The following VPS41 variants were observed in gnomAD, a reference collection of about 807,000 sequenced individuals.
VPS41 encodes the protein VPS41 subunit of HOPS complex.
Under a neutral mutation model 130.9 loss-of-function variants are expected in VPS41, and 85 were observed. That is an observed-to-expected ratio of 0.65 (90% CI 0.55 to 0.78). VPS41 has a LOEUF of 0.78. VPS41 is among the 30% of genes least tolerant of loss of function. VPS41 has a pLI of 0.00. For synonymous variants in VPS41, 335 were observed against 332.9 expected (o/e 1.01, Z -0.07); for missense variants, 874 against 1,018.7 (o/e 0.86, Z 1.93).
At chr7:38,836,577 T>G (rs1785499806) in intron 4 of VPS41, among the ~76,000 whole-genome samples, 1 of 152,158 alleles carries the variant, frequency 6.6e-6, no homozygotes, top group African/African-American at 2.4e-5. Context: ...CCCCATGTCA[T>G]GCAGACTGCA....
At position 38,742,018 on chromosome 7, in the gene VPS41, G is replaced by A; in HGVS notation, c.2226C>T (p.Ser742=). The A allele has an allele frequency of 6.2e-7, 1 of 1,613,160 alleles. No homozygotes were observed. The highest frequency in any genetic ancestry group is 1.7e-5 in the Admixed American group (1 of 59,910). ...TGTAGTCTTGCAGAATTTTAACCAA[G>A]GAATCTCTCAAATTGGGGATCTCCA... ...EGMEIPNLRD[S]LVKILQDYNL... The change falls in exon 25 of 29, where the codon TCC becomes TCT. Residue 742 remains serine (S), a synonymous_variant. Transcript: ENST00000310301.
intron 3 of VPS41, among the ~76,000 whole-genome samples, chr7:38,868,562 A>G (rs1786277482): frequency 6.6e-6 from 1 of 152,170 alleles, no homozygotes. Context: ...ACTATGACAC[A>G]AACTGTTTTG....
intron 1 of VPS41, among the ~76,000 whole-genome samples, chr7:38,902,251 G>C (rs1787161576): frequency 1.3e-5 from 2 of 152,252 alleles, no homozygotes; most frequent in Non-Finnish European, 2.9e-5. Flanking sequence ...CTGAAGAATA[G>C]CTTTCAGATT....
At chr7:38,826,868 G>C (rs1355096330) in intron 5 of VPS41, among the ~76,000 whole-genome samples, 1 of 151,874 alleles carries the variant, frequency 6.6e-6, no homozygotes, top group African/African-American at 2.4e-5. Flanking sequence ...ACCCAGGCTG[G>C]AGTGCAGTGG....
chr7:38,852,533 T>C (rs1785881722), intron 4 of VPS41, among the ~76,000 whole-genome samples: 1 of 152,216 alleles, frequency 6.6e-6, no homozygotes, highest in Non-Finnish European at 1.5e-5. Flanking sequence ...CTTCATGTCT[T>C]GAGTGGCTAG....
At chr7:38,872,088 C>T (rs1015075243) in intron 2 of VPS41, among the ~76,000 whole-genome samples, 1 of 152,162 alleles carries the variant, frequency 6.6e-6, no homozygotes, top group Non-Finnish European at 1.5e-5. Flanking sequence ...GACAAGATGT[C>T]AGCTAGGGCT....
chr7:38,886,052 G>A (rs964151432), intron 2 of VPS41, among the ~76,000 whole-genome samples: 3 of 151,928 alleles, frequency 2.0e-5, no homozygotes, highest in Non-Finnish European at 4.4e-5. Flanking sequence ...GGCCAAACAG[G>A]AACAGCTCCG....
At chr7:38,878,043 C>T (rs1049673417) in intron 2 of VPS41, among the ~76,000 whole-genome samples, 1 of 152,184 alleles carries the variant, frequency 6.6e-6, no homozygotes, top group Non-Finnish European at 1.5e-5. Flanking sequence ...CTACATCTTT[C>T]TTCCACAGGC....
At chr7:38,873,604 G>A (rs531573909) in intron 2 of VPS41, among the ~76,000 whole-genome samples, 12 of 152,218 alleles carry the variant, frequency 7.9e-5, no homozygotes, top group South Asian at 6.2e-4. Context: ...AGTTAACTGC[G>A]TTTCTATGAC....
chr7:38,784,575 C>T (rs1784404660), intron 10 of VPS41, among the ~76,000 whole-genome samples: 1 of 146,936 alleles, frequency 6.8e-6, no homozygotes, highest in African/African-American at 2.5e-5. Flanking sequence ...GCTGAGGTTG[C>T]AGTAAGGCGT....
rs183762322 is a variant in VPS41, at chr7:38,761,045, T to G, written c.1422+2410A>C. Among the ~76,000 whole-genome samples the G allele has an allele frequency of 1.5e-3, 236 of 152,266 alleles. 4 individuals are homozygous for G. In the Middle Eastern group the frequency reaches 0.02, roughly 13 times the overall value. On this transcript the variant is annotated intron_variant, in intron 17 of 28. Coordinates refer to ENST00000310301, the MANE Select transcript of VPS41 (RefSeq NM_014396.4). Reference sequence around the variant, plus strand: ...CAAACTTCTTATATATTAATATGATTGAAATTTTACTTCAGAAATTTGGGA... The same window carrying G: ...CAAACTTCTTATATATTAATATGATGGAAATTTTACTTCAGAAATTTGGGA...
At chr7:38,846,474 C>T (rs572712470) in intron 4 of VPS41, among the ~76,000 whole-genome samples, 3 of 152,292 alleles carry the variant, frequency 2.0e-5, no homozygotes, top group East Asian at 3.9e-4. Flanking sequence ...TGCATTCCAA[C>T]GAGAGCCAAA....
intron 2 of VPS41, among the ~76,000 whole-genome samples, chr7:38,894,436 G>A (rs940626968): frequency 2.6e-5 from 4 of 151,796 alleles, no homozygotes; most frequent in African/African-American, 9.7e-5. Flanking sequence ...AGGCAGCGGG[G>A]GGCACGGAGG....
At chr7:38,840,351 C>A (rs910943762) in intron 4 of VPS41, among the ~76,000 whole-genome samples, 1 of 152,088 alleles carries the variant, frequency 6.6e-6, no homozygotes, top group African/African-American at 2.4e-5. Context: ...TCCTTCCCAC[C>A]AAAAAATAGG....
chr7:38,766,604 C>A (rs1041043794), intron 15 of VPS41, among the ~76,000 whole-genome samples: 12 of 152,238 alleles, frequency 7.9e-5, no homozygotes, highest in African/African-American at 2.9e-4. Context: ...GTGTCCCCAC[C>A]CAAATCTCAT....
chr7:38,826,260 A>G (rs918264035), intron 5 of VPS41, among the ~76,000 whole-genome samples: 2 of 152,198 alleles, frequency 1.3e-5, no homozygotes, highest in Non-Finnish European at 2.9e-5. Context: ...GGCAAGTTAG[A>G]CATTGAATCT....
intron 13 of VPS41, among the ~76,000 whole-genome samples, chr7:38,772,022 T>C (rs1408907302): frequency 2.6e-5 from 4 of 152,146 alleles, no homozygotes; most frequent in Non-Finnish European, 5.9e-5. Context: ...TTTGTAGCTA[T>C]TAAAGTTGAA....
At chr7:38,791,742 C>T (rs774902648) in intron 9 of VPS41, among the ~76,000 whole-genome samples, 4 of 152,050 alleles carry the variant, frequency 2.6e-5, no homozygotes, top group Non-Finnish European at 2.9e-5. Flanking sequence ...TCACAAAGAA[C>T]CTTGGAAGTC....
At chr7:38,814,440 G>A (rs1469913413) in intron 7 of VPS41, among the ~76,000 whole-genome samples, 1 of 152,158 alleles carries the variant, frequency 6.6e-6, no homozygotes, top group African/African-American at 2.4e-5. Flanking sequence ...CACAAGGTCA[G>A]GAGATCAAGA....
Sources: gnomAD v4.1 joint callset for allele counts (sites outside exome capture counted in the v4.1 genomes callset) on GRCh38, gnomAD v4.1.1 for gene constraint, MANE v1.5 for transcripts, NCBI Gene and HGNC (gene_info 2026-07-23, HGNC 2026-07-21) for gene names.